EPB41L2: variants seen among roughly 807,000 people sequenced by gnomAD.
EPB41L2 encodes erythrocyte membrane protein band 4.1 like 2, also known as band 4.1-like protein 2.
EPB41L2 carries 43 observed loss-of-function variants against 113.0 expected under a neutral mutation model. That is an observed-to-expected ratio of 0.38 (90% CI 0.30 to 0.49). EPB41L2 has a LOEUF of 0.49. Ranked by LOEUF, EPB41L2 falls within the 20% of genes least tolerant of loss-of-function variation. The pLI is 0.95. For synonymous variants in EPB41L2, 442 were observed against 436.7 expected, an observed-to-expected ratio of 1.01 and a Z score of -0.15; for missense variants, 1,147 against 1,223.4, an observed-to-expected ratio of 0.94 and a Z score of 0.93.
chr6:130,857,309 T>C (rs1315688484), intron 19 of EPB41L2, among the ~76,000 whole-genome samples: 1 of 152,184 alleles, frequency 6.6e-6, no homozygotes, highest in Non-Finnish European at 1.5e-5. Flanking sequence ...TCTTTTAGTT[T>C]GCACATAGTT....
intron 3 of EPB41L2, among the ~76,000 whole-genome samples, chr6:130,953,767 C>T (rs970935514): frequency 4.6e-5 from 7 of 151,878 alleles, no homozygotes; most frequent in African/African-American, 1.5e-4. Flanking sequence ...AAGGGAGCTG[C>T]CTTGTCCTTC....
chr6:130,994,859 T>C (rs961924648), intron 1 of EPB41L2, among the ~76,000 whole-genome samples: 6 of 152,176 alleles, frequency 3.9e-5, no homozygotes, highest in Admixed American at 1.3e-4. Flanking sequence ...TTGCCTCCTT[T>C]GGAGAGGCTA....
chr6:130,902,565 C>T (rs1405563533), intron 6 of EPB41L2, among the ~76,000 whole-genome samples: 1 of 152,120 alleles, frequency 6.6e-6, no homozygotes, highest in Non-Finnish European at 1.5e-5. Context: ...GTTTCCTTGA[C>T]CCGTAGAAAA....
At chr6:130,904,921 T>C (rs1315917554) in intron 5 of EPB41L2, among the ~76,000 whole-genome samples, 1 of 80,110 alleles carries the variant, frequency 1.2e-5, no homozygotes. Flanking sequence ...CCACCCTTTT[T>C]TTTTTTTTTA....
At chr6:131,030,608 T>C (rs1791944261) in intron 1 of EPB41L2, among the ~76,000 whole-genome samples, 1 of 152,206 alleles carries the variant, frequency 6.6e-6, no homozygotes, top group South Asian at 2.1e-4. Flanking sequence ...TATGAAACAA[T>C]TTTCTTAATC....
At chr6:130,957,035 G>C (rs1487350891) in intron 1 of EPB41L2, among the ~76,000 whole-genome samples, 1 of 152,080 alleles carries the variant, frequency 6.6e-6, no homozygotes, top group Non-Finnish European at 1.5e-5. Flanking sequence ...AGCCAAGAAG[G>C]TAAAATAACA....
intron 3 of EPB41L2, among the ~76,000 whole-genome samples, chr6:130,951,617 C>A (rs1815131363): frequency 6.6e-6 from 1 of 151,852 alleles, no homozygotes; most frequent in African/African-American, 2.4e-5. Context: ...ACCCACTGTG[C>A]CCGGCCAGCC....
At chr6:131,023,084 G>A (rs1259816006) in intron 1 of EPB41L2, among the ~76,000 whole-genome samples, 1 of 152,072 alleles carries the variant, frequency 6.6e-6, no homozygotes, top group Non-Finnish European at 1.5e-5. Flanking sequence ...AATATAGTAT[G>A]TCCTAAAAAA....
intron 12 of EPB41L2, chr6:130,881,522 G>T (rs1789300253): frequency 6.6e-6 from 1 of 151,922 alleles, no homozygotes; most frequent in Admixed American, 6.6e-5. Flanking sequence ...TTTTTCTTTA[G>T]GTTTGCTCTA....
chr6:130,880,044 C>T, intron 13 of EPB41L2, 100 bp downstream of exon 13: 1 of 822,586 alleles, frequency 1.2e-6, no homozygotes, highest in Non-Finnish European at 2.0e-6. Context: ...ACTGCATGCA[C>T]CGTGCTTGAA....
At chr6:130,954,026 TAG>T (rs1816309282) in intron 3 of EPB41L2, among the ~76,000 whole-genome samples, 1 of 146,898 alleles carries the variant, frequency 6.8e-6, no homozygotes, top group Non-Finnish European at 1.5e-5. Flanking sequence ...CCTCTTTTGC[TAG>T]TCCTTTTCTT....
intron 1 of EPB41L2, among the ~76,000 whole-genome samples, chr6:130,983,242 G>A (rs1477451700): frequency 5.9e-5 from 9 of 152,220 alleles, no homozygotes; most frequent in Non-Finnish European, 1.0e-4. Flanking sequence ...CGTATCAACA[G>A]AGGCTTGCCT....
At chr6:130,942,994 C>T (rs1376850642) in intron 3 of EPB41L2, among the ~76,000 whole-genome samples, 1 of 152,180 alleles carries the variant, frequency 6.6e-6, no homozygotes, top group Non-Finnish European at 1.5e-5. Context: ...TCCAGTCTAT[C>T]ATTGATGGGC....
chr6:130,879,917 C>CT (rs1172100705), intron 13 of EPB41L2, among the ~76,000 whole-genome samples: 1 of 152,052 alleles, frequency 6.6e-6, no homozygotes, highest in Non-Finnish European at 1.5e-5. Flanking sequence ...TTTGACTAAA[C>CT]TTTTTTTTCC....
At chr6:131,013,973 G>A (rs947681788) in intron 1 of EPB41L2, 5 of 151,408 alleles carry the variant, frequency 3.3e-5, no homozygotes, top group Non-Finnish European at 7.4e-5. Flanking sequence ...TGGGCAACAC[G>A]TGAAGCTATT....
intron 10 of EPB41L2, among the ~76,000 whole-genome samples, chr6:130,893,821 G>C (rs1793726356): frequency 6.6e-6 from 1 of 152,182 alleles, no homozygotes; most frequent in African/African-American, 2.4e-5. Flanking sequence ...TCAGACCATA[G>C]GGTTCAAGTT....
intron 10 of EPB41L2, 146 bp from the exon 11 acceptor site, chr6:130,890,612 C>A (rs1016007407): frequency 6.2e-6 from 6 of 970,610 alleles, no homozygotes; most frequent in Non-Finnish European, 8.8e-6. Context: ...TTCTAAAGAA[C>A]ATTATTTATA....
chr6:130,845,664 A>G (rs1233049730), intron 19 of EPB41L2, among the ~76,000 whole-genome samples: 1 of 152,216 alleles, frequency 6.6e-6, no homozygotes, highest in Non-Finnish European at 1.5e-5. Context: ...TACAGGCGTG[A>G]GCCACCAGGC....
At chr6:130,947,020 C>A (rs1009884745) in intron 3 of EPB41L2, among the ~76,000 whole-genome samples, 1 of 138,046 alleles carries the variant, frequency 7.2e-6, no homozygotes, top group Non-Finnish European at 1.5e-5. Flanking sequence ...AAAGAAGACC[C>A]CCCCCCCAGC....
Sources: allele counts gnomAD v4.1 joint callset (sites outside exome capture counted in the v4.1 genomes callset), GRCh38; gene constraint gnomAD v4.1.1; transcripts MANE v1.5; gene names NCBI Gene and HGNC (gene_info 2026-07-23, HGNC 2026-07-21).